ESPNL: variants seen among roughly 807,000 people sequenced by gnomAD.
ESPNL encodes the protein espin like.
Under a neutral mutation model 46.8 loss-of-function variants are expected in ESPNL, and 49 were observed. That is an observed-to-expected ratio of 1.05 (90% confidence interval 0.83 to 1.33). The LOEUF is 1.33. Ranked by LOEUF, ESPNL falls within the 40% of genes most tolerant of loss-of-function variation. The pLI, the probability that ESPNL is intolerant of heterozygous loss-of-function variation, is 0.00. For synonymous variants in ESPNL, 664 were observed against 662.1 expected (o/e 1.00, Z -0.04); for missense variants, 1,540 against 1,436.6 (o/e 1.07, Z -1.16).
chr2:238,130,692 G>A lies in ESPNL; in HGVS notation c.1978G>A (p.Glu660Lys), dbSNP rs575560428. 33 of 1,564,066 alleles carry A rather than the reference G, an allele frequency of 2.1e-5. 1 individual carries two copies. Among genetic ancestry groups the A allele is most frequent in the South Asian group, 1.4e-4 (12 of 85,536 alleles). The change falls in exon 9 of 9, where the codon GAG becomes AAG. Residue 660 changes from glutamate (E) to lysine (K), a missense_variant. Coordinates refer to ENST00000343063, the MANE Select transcript of ESPNL (RefSeq NM_194312.4). ...TGTGCGGACGCTGCGGGGCAACTTC[G>A]AGTCGGCCTCTGGCCCACTCTGTGG... ...VSVRTLRGNF[E>K]SASGPLCGFN... is the part of the protein sequence containing the mutation.
rs1448359203 is a variant in ESPNL at position 238,100,435 on chromosome 2, G to A, written c.16G>A (p.Ala6Thr). 4 of 1,602,148 alleles carry A rather than the reference G, an allele frequency of 2.5e-6. No individual in the cohort carries two copies. The highest frequency in any genetic ancestry group is 2.5e-6 in the Non-Finnish European group (3 of 1,176,928). ...GGGCCAGAGGATGGAGAAGCAGCGG[G>A]CACTCGTGGCCGCCAAGGATGGGGA... MEKQR[A>T]LVAAKDGDVA... The change falls in exon 1 of 9, where the codon GCA becomes ACA. Residue 6 changes from alanine (A) to threonine (T), a missense_variant. Physicochemically the swap from Ala to Thr is moderately conservative, Grantham distance 58. Coordinates refer to ENST00000343063, the MANE Select transcript of ESPNL (RefSeq NM_194312.4).
chr2:238,128,988 C>G, intron 8 of ESPNL, 84 bp downstream of exon 8: 4 of 1,475,914 alleles, frequency 2.7e-6, no homozygotes, highest in South Asian at 2.7e-5. Context: ...GCGCCCGAAG[C>G]CCAGAACTGA....
intron 6 of ESPNL, among the ~76,000 whole-genome samples, chr2:238,126,148 GTC>G (rs1413763660): frequency 6.6e-6 from 1 of 151,944 alleles, no homozygotes; most frequent in Non-Finnish European, 1.5e-5. Flanking sequence ...GTGTGATTGT[GTC>G]TGTGTGCATC....
intron 8 of ESPNL, chr2:238,129,222 C>T (rs1692221304): frequency 2.4e-6 from 3 of 1,271,028 alleles, no homozygotes; most frequent in Admixed American, 7.6e-5. Flanking sequence ...AGACGGTGGC[C>T]CATGGGCAGG....
At chr2:238,128,431 C>G (rs1468901033) in intron 7 of ESPNL, among the ~76,000 whole-genome samples, 3 of 152,218 alleles carry the variant, frequency 2.0e-5, no homozygotes, top group Non-Finnish European at 4.4e-5. Flanking sequence ...TGGGCTTGCA[C>G]AGGGGACGGG....
At chr2:238,104,632 C>A in intron 2 of ESPNL, 24 bp from the exon 3 acceptor site, 1 of 1,545,494 alleles carries the variant, frequency 6.5e-7, no homozygotes, top group Non-Finnish European at 8.7e-7. Context: ...GGGACTGGGC[C>A]TCCAAACCCT....
chr2:238,119,442 GGAGGA>G (rs1319533549), intron 5 of ESPNL, among the ~76,000 whole-genome samples: 19 of 129,230 alleles, frequency 1.5e-4, no homozygotes, highest in South Asian at 2.6e-4. Flanking sequence ...GAGGGGAGGT[GGAGGA>G]GAGGAGGTTA....
At chr2:238,111,388 A>G (rs1691715749) in intron 4 of ESPNL, among the ~76,000 whole-genome samples, 1 of 152,122 alleles carries the variant, frequency 6.6e-6, no homozygotes, top group Non-Finnish European at 1.5e-5. Context: ...AATTTCCACA[A>G]CTTTTTCATT....
intron 6 of ESPNL, among the ~76,000 whole-genome samples, chr2:238,126,925 G>GTGTCTGTGATTGTCTGTGTA (rs1444112503): frequency 4.1e-4 from 46 of 110,938 alleles, no homozygotes; most frequent in Non-Finnish European, 7.5e-4. Flanking sequence ...TCGTGTCTGT[G>GTGTCTGTGATTGTCTGTGTA]TGTCTGTGAT....
At chr2:238,116,869 G>A (rs369913533) in intron 4 of ESPNL, 34 bp from the exon 5 acceptor site, 64 of 1,607,328 alleles carry the variant, frequency 4.0e-5, no homozygotes, top group Middle Eastern at 3.3e-4. Flanking sequence ...GGTTTGTGTC[G>A]TGGTGGGTCA....
intron 6 of ESPNL, among the ~76,000 whole-genome samples, chr2:238,126,732 T>C (rs1692130679): frequency 6.6e-6 from 1 of 150,992 alleles, no homozygotes; most frequent in Non-Finnish European, 1.5e-5. Context: ...CTGCGTATGA[T>C]TGTGTCTGTG....
In ESPNL at chr2:238,100,583, T is replaced by C. The variant is rs557256811; in HGVS notation, c.164T>C (p.Leu55Ser). 1.9e-6 allele frequency: 3 copies of C among 1,564,652 alleles called. No individual in the cohort carries two copies. In the African/African-American group the frequency reaches 4.1e-5, roughly 21 times the overall value. Reference protein sequence around the residue: ...RAGHLDCVKFLVQRAQLPGNQ... With the variant: ...RAGHLDCVKFSVQRAQLPGNQ... The stretch of plus-strand genomic sequence containing the variant: ...GGCCACCTGGACTGCGTCAAGTTCT[T>C]GGTGCAGCGGGCCCAGCTGCCCGGC... The change falls in exon 1 of 9, where the codon TTG becomes TCG. Residue 55 changes from leucine to serine, a missense_variant. By Grantham distance (145) the Leu-to-Ser change is moderately radical. Transcript: ENST00000343063.
At chr2:238,103,451 G>T (rs1691529530) in intron 2 of ESPNL, among the ~76,000 whole-genome samples, 1 of 151,698 alleles carries the variant, frequency 6.6e-6, no homozygotes, top group Non-Finnish European at 1.5e-5. Context: ...AAAACCAGGA[G>T]GCTTCATGTT....
Position 238,101,932 on chromosome 2 carries a change from G to T in ESPNL, c.295-9G>T, listed in dbSNP as rs369845298. The T allele has an allele frequency of 1.3e-4, 214 of 1,602,912 alleles. 1 individual carries two copies. In the African/African-American group the frequency reaches 2.6e-3, roughly 19 times the overall value. ...CCCCCCACTCACTGACCTACCCGGG[G>T]CTTGGTAGGACCAAGATGCCTCGGG... On this transcript the variant is annotated splice_polypyrimidine_tract_variant and intron_variant, in intron 1 of 8. Transcript: ENST00000343063.
Position 238,132,438 on chromosome 2 carries a change from G to C in ESPNL, c.*706G>C, listed in dbSNP as rs1692364593. 6.6e-6 allele frequency: 1 copy of C among 152,420 alleles called. No individual in the cohort carries two copies. The allele number at this position is 152,420 out of a possible 1,614,324, so 9.4% of individuals were successfully genotyped here. On this transcript the variant is annotated 3_prime_UTR_variant, in exon 9 of 9. Coordinates refer to ENST00000343063, the MANE Select transcript of ESPNL (RefSeq NM_194312.4). ...GGGCCCCAGCAAGGCTGGAGAGCAG[G>C]GACGTGGGAGTAGCAGTGGCTGAGA...
chr2:238,112,289 T>C (rs1015778595), intron 4 of ESPNL, among the ~76,000 whole-genome samples: 1 of 152,136 alleles, frequency 6.6e-6, no homozygotes, highest in East Asian at 1.9e-4. Flanking sequence ...TTTGTCTAAG[T>C]TGTTAAGTGT....
rs555684649 is a variant in ESPNL, at chr2:238,130,741, C to T, written c.2027C>T (p.Pro676Leu). 77 of 1,564,092 alleles carry T rather than the reference C, an allele frequency of 4.9e-5. No individual in the cohort carries two copies. The highest frequency in any genetic ancestry group is 3.2e-4 in the African/African-American group (24 of 74,176). ...GGCTTCAACCCTGGCCCCTGCGAGC[C>T]GGGGGCCCAGCACAGGCAGTGCCTG... ...LCGFNPGPCE[P>L]GAQHRQCLSG... Residue 676 changes from proline (P) to leucine (L), a missense_variant, in exon 9 of 9, where the codon CCG (proline) becomes CTG (leucine). Physicochemically the swap from Pro to Leu is moderately conservative, Grantham distance 98 (BLOSUM62 -3). Transcript: ENST00000343063.
chr2:238,113,631 T>C (rs1691756507), intron 4 of ESPNL, among the ~76,000 whole-genome samples: 1 of 152,228 alleles, frequency 6.6e-6, no homozygotes, highest in Non-Finnish European at 1.5e-5. Context: ...GCTGGGCACA[T>C]GTGGGCCTAG....
Position 238,116,759 on chromosome 2 carries a change from G to A in ESPNL, c.856-144G>A, listed in dbSNP as rs1401055030. The A allele has an allele frequency of 2.1e-5, 23 of 1,094,770 alleles. No homozygotes were observed. In the African/African-American group the frequency reaches 2.4e-4, roughly 11 times the overall value. 67.8% of individuals were successfully genotyped at this position (1,094,770 alleles called of 1,614,324 possible). A position where few individuals can be genotyped will look rare whatever the true frequency, so the allele number is the denominator to read the frequency against. On this transcript the variant is annotated intron_variant, in intron 4 of 8. Transcript: ENST00000343063. ...CCTAGGCAGGTCTCTGGCACCCCACGGCCCAGATTCAAGTCCTGCCCCTGC... is the reference window on the plus strand; with the variant it reads ...CCTAGGCAGGTCTCTGGCACCCCACAGCCCAGATTCAAGTCCTGCCCCTGC...
Sources: allele counts gnomAD v4.1 joint callset (sites outside exome capture counted in the v4.1 genomes callset), GRCh38; gene constraint gnomAD v4.1.1; transcripts MANE v1.5; gene names NCBI Gene and HGNC (gene_info 2026-07-23, HGNC 2026-07-21).